Variants in NBEA observed in about 807,000 individuals in gnomAD.
NBEA encodes the protein neurobeachin, also known as lysosomal-trafficking regulator 2.
In NBEA, 44 loss-of-function variants were observed where a neutral mutation model predicts 343.4. That is an observed-to-expected ratio of 0.13 (90% CI 0.10 to 0.16). The LOEUF (loss-of-function observed/expected upper bound fraction) is 0.16. NBEA is among the 10% of genes least tolerant of loss of function. The probability of loss-of-function intolerance (pLI) is 1.00; values close to 1 mark genes in which losing one functional copy is unlikely to be tolerated. For missense variants in NBEA, 2,555 were observed against 3,631.3 expected, an observed-to-expected ratio of 0.70 and a Z score of 7.62; for synonymous variants, 1,175 against 1,238.7, an observed-to-expected ratio of 0.95 and a Z score of 1.08.
At chr13:35,472,068 A>G (rs1023699455) in intron 40 of NBEA, among the ~76,000 whole-genome samples, 3 of 152,086 alleles carry the variant, frequency 2.0e-5, no homozygotes, top group African/African-American at 4.8e-5. Context: ...GTGATACTCA[A>G]TGGAGAATTG....
intron 34 of NBEA, among the ~76,000 whole-genome samples, chr13:35,258,016 T>C (rs762968743): frequency 6.6e-6 from 1 of 152,126 alleles, no homozygotes; most frequent in Non-Finnish European, 1.5e-5. Flanking sequence ...TTTTTATTTG[T>C]AATGAACTTT....
chr13:35,545,213 T>C (rs2079011482), intron 41 of NBEA, among the ~76,000 whole-genome samples: 1 of 152,190 alleles, frequency 6.6e-6, no homozygotes, highest in Non-Finnish European at 1.5e-5. Flanking sequence ...TACCATAAAC[T>C]CAGTATTCAA....
At chr13:35,036,088 G>C (rs917970789) in intron 1 of NBEA, among the ~76,000 whole-genome samples, 1 of 151,406 alleles carries the variant, frequency 6.6e-6, no homozygotes, top group African/African-American at 2.4e-5. Context: ...CTTCTTTCTT[G>C]CATTTCTGTC....
At chr13:35,646,231 T>C (rs1459975858) in intron 50 of NBEA, 28 bp from the exon 51 acceptor site, 2 of 1,534,932 alleles carry the variant, frequency 1.3e-6, no homozygotes, top group Non-Finnish European at 1.8e-6. Flanking sequence ...GCATATTGAT[T>C]ATGACAATCA....
rs2152659253 is a variant in NBEA, at chr13:35,110,954, A to G, written c.1978A>G (p.Ser660Gly). ...CTGGGTTATTAATCCTGCTGACAGT[A>G]GTGGCATTACACCTAAAGGATTAGG... Reference protein sequence around the residue: ...YYWVINPADSSGITPKGLDGP... With the variant: ...YYWVINPADSGGITPKGLDGP... The change falls in exon 13 of 59, where the codon AGT becomes GGT. Residue 660 changes from serine (S) to glycine (G), a missense_variant. Transcript: ENST00000379939. 5 of 1,611,150 alleles carry G rather than the reference A, an allele frequency of 3.1e-6. No individual in the cohort carries two copies. Among genetic ancestry groups the G allele is most frequent in the South Asian group, 1.1e-5 (1 of 90,878 alleles).
intron 40 of NBEA, among the ~76,000 whole-genome samples, chr13:35,468,820 C>T (rs1034869976): frequency 1.3e-5 from 2 of 151,900 alleles, no homozygotes; most frequent in Non-Finnish European, 2.9e-5. Context: ...GTTTTGTGGC[C>T]GTGCACAGCG....
chr13:35,393,185 CA>C (rs1162317036), intron 38 of NBEA, among the ~76,000 whole-genome samples: 1 of 152,076 alleles, frequency 6.6e-6, no homozygotes, highest in Non-Finnish European at 1.5e-5. Context: ...TTTCCCCGTA[CA>C]ACACCTTAAA....
intron 41 of NBEA, chr13:35,476,805 C>A (rs2075892465): frequency 9.7e-7 from 1 of 1,029,238 alleles, no homozygotes; most frequent in African/African-American, 1.7e-5. Flanking sequence ...GCTAATTAAT[C>A]CCCACTCATG....
chr13:35,092,162 A>C (rs1031247601), intron 10 of NBEA, among the ~76,000 whole-genome samples: 1 of 151,950 alleles, frequency 6.6e-6, no homozygotes, highest in African/African-American at 2.4e-5. Context: ...AGTCTAATGG[A>C]GGAAGGATAA....
chr13:35,101,041 C>CT (rs755098696), intron 11 of NBEA, among the ~76,000 whole-genome samples: 2 of 151,954 alleles, frequency 1.3e-5, no homozygotes, highest in South Asian at 2.1e-4. Context: ...GAACTCCGTT[C>CT]TTTTTTACAG....
chr13:35,092,649 AC>A (rs1364158754), intron 10 of NBEA, among the ~76,000 whole-genome samples: 4 of 152,056 alleles, frequency 2.6e-5, no homozygotes, highest in Non-Finnish European at 1.5e-5. Context: ...GTAAATTAAA[AC>A]TATATAAAAC....
At chr13:35,295,012 C>A (rs1566579047) in intron 35 of NBEA, among the ~76,000 whole-genome samples, 2 of 149,630 alleles carry the variant, frequency 1.3e-5, no homozygotes, top group Admixed American at 1.3e-4. Context: ...TCATCTTGGG[C>A]CACACATAAC....
intron 35 of NBEA, among the ~76,000 whole-genome samples, chr13:35,291,236 T>A (rs139276608): frequency 1.1e-4 from 17 of 152,006 alleles, no homozygotes; most frequent in African/African-American, 3.6e-4. Context: ...TTATTCGTAG[T>A]TTCCTCAGTA....
At chr13:34,990,817 A>G (rs1024768762) in intron 1 of NBEA, among the ~76,000 whole-genome samples, 2 of 152,192 alleles carry the variant, frequency 1.3e-5, no homozygotes, top group Non-Finnish European at 2.9e-5. Flanking sequence ...CCAGTTTCAG[A>G]TCATCTCTTT....
chr13:35,165,974 T>C (rs537372576), intron 24 of NBEA, among the ~76,000 whole-genome samples: 28 of 152,212 alleles, frequency 1.8e-4, no homozygotes, highest in Admixed American at 3.3e-4. Context: ...CATGAGCCAC[T>C]GCTCCCGGCC....
At chr13:35,022,044 CT>C (rs1484280806) in intron 1 of NBEA, among the ~76,000 whole-genome samples, 1 of 151,916 alleles carries the variant, frequency 6.6e-6, no homozygotes, top group African/African-American at 2.4e-5. Context: ...CTGCAGAAGT[CT>C]TTTTTTGCTT....
chr13:35,125,636 C>T (rs116427679), intron 17 of NBEA, among the ~76,000 whole-genome samples: 1,536 of 152,106 alleles, frequency 0.01, 24 homozygotes, highest in African/African-American at 0.036. Flanking sequence ...GTCCTGCAGA[C>T]AGATGGTCCA....
intron 38 of NBEA, among the ~76,000 whole-genome samples, chr13:35,367,038 T>C (rs183885513): frequency 6.6e-6 from 1 of 151,492 alleles, no homozygotes; most frequent in Admixed American, 6.6e-5. Context: ...TTGAACGATA[T>C]TTTGTACTTT....
chr13:35,419,593 T>C (rs1296433879), intron 38 of NBEA, among the ~76,000 whole-genome samples: 2 of 152,070 alleles, frequency 1.3e-5, no homozygotes, highest in African/African-American at 4.8e-5. Flanking sequence ...AAAATACGTA[T>C]GTACATATAC....
Sources: gnomAD v4.1 joint callset for allele counts (sites outside exome capture counted in the v4.1 genomes callset) on GRCh38, gnomAD v4.1.1 for gene constraint, MANE v1.5 for transcripts, NCBI Gene and HGNC (gene_info 2026-07-23, HGNC 2026-07-21) for gene names.